Variants in RBM46 observed in about 807,000 individuals in gnomAD.
RBM46 encodes the protein probable RNA-binding protein 46.
RBM46 carries 12 observed loss-of-function variants against 43.3 expected under a neutral mutation model. That is an observed-to-expected ratio of 0.28 (90% CI 0.18 to 0.45). The LOEUF is 0.45. RBM46 is among the 20% of genes least tolerant of loss of function. The probability of loss-of-function intolerance (pLI) is 1.00; values close to 1 mark genes in which losing one functional copy is unlikely to be tolerated. For missense variants in RBM46, 412 were observed against 639.1 expected (o/e 0.64, Z 3.83); for synonymous variants, 205 against 207.6 (o/e 0.99, Z 0.11).
chr4:154,817,490 C>T (rs1485675787), intron 4 of RBM46, among the ~76,000 whole-genome samples: 2 of 151,580 alleles, frequency 1.3e-5, no homozygotes, highest in African/African-American at 4.8e-5. Context: ...GCACACCACA[C>T]CCAGCTGATT....
chr4:154,790,067 CTTT>C (rs2111102888), intron 1 of RBM46, among the ~76,000 whole-genome samples: 1 of 152,192 alleles, frequency 6.6e-6, no homozygotes, highest in South Asian at 2.1e-4. Flanking sequence ...CTCTTTTCTT[CTTT>C]ATTAGTCTTG....
chr4:154,813,275 A>C (rs1302189823), intron 4 of RBM46, among the ~76,000 whole-genome samples: 1 of 152,208 alleles, frequency 6.6e-6, no homozygotes, highest in South Asian at 2.1e-4. Flanking sequence ...TAATGGGCTG[A>C]AATATCTGTG....
intron 4 of RBM46, chr4:154,820,289 G>A: frequency 1.1e-6 from 1 of 911,376 alleles, no homozygotes; most frequent in Non-Finnish European, 1.6e-6. Flanking sequence ...AGTTACCAAG[G>A]ATTCCATGCA....
intron 1 of RBM46, among the ~76,000 whole-genome samples, chr4:154,786,702 G>A (rs1733787930): frequency 6.6e-6 from 1 of 152,012 alleles, no homozygotes; most frequent in Non-Finnish European, 1.5e-5. Context: ...GCTGAGGCGG[G>A]TGGATCACGA....
intron 4 of RBM46, among the ~76,000 whole-genome samples, chr4:154,815,939 C>T (rs1301227264): frequency 6.6e-6 from 1 of 152,016 alleles, no homozygotes; most frequent in Non-Finnish European, 1.5e-5. Flanking sequence ...GTCCGCCCCG[C>T]TCATATGAAT....
At chr4:154,805,399 T>C (rs927723003) in intron 4 of RBM46, among the ~76,000 whole-genome samples, 3 of 152,174 alleles carry the variant, frequency 2.0e-5, no homozygotes, top group Non-Finnish European at 4.4e-5. Flanking sequence ...CATTTTGTAA[T>C]GGACTTGTAT....
intron 4 of RBM46, among the ~76,000 whole-genome samples, chr4:154,817,393 C>T (rs1163251768): frequency 1.4e-5 from 2 of 145,250 alleles, no homozygotes. Context: ...AGTGCAGTGG[C>T]GTGATCTCGG....
At chr4:154,819,168 A>G (rs767852331) in intron 4 of RBM46, among the ~76,000 whole-genome samples, 1 of 152,216 alleles carries the variant, frequency 6.6e-6, no homozygotes, top group Non-Finnish European at 1.5e-5. Context: ...TGTTATATTT[A>G]TTCATAGAAG....
intron 4 of RBM46, among the ~76,000 whole-genome samples, chr4:154,806,812 A>G (rs1734929333): frequency 6.6e-6 from 1 of 151,894 alleles, no homozygotes; most frequent in African/African-American, 2.4e-5. Flanking sequence ...AAAAGTTTGG[A>G]AACTAAATTT....
rs767661479 is a variant in RBM46, at chr4:154,798,274, T to G, written c.615T>G (p.Ile205Met). The G allele has an allele frequency of 6.4e-7, 1 of 1,565,562 alleles. No individual in the cohort carries two copies. Among genetic ancestry groups the G allele is most frequent in the Non-Finnish European group, 8.6e-7 (1 of 1,159,668 alleles). ...RAAAMARRKL[I>M]PGTFQLWGHT... Reference sequence around the variant, plus strand: ...CTGCTATGGCAAGGAGGAAACTAATTCCAGGTAAACTGAAAGGTTGTTTTT... The same window carrying G: ...CTGCTATGGCAAGGAGGAAACTAATGCCAGGTAAACTGAAAGGTTGTTTTT... The change falls in exon 3 of 5, where the codon ATT (isoleucine) becomes ATG (methionine). Residue 205 changes from isoleucine (I) to methionine (M), a missense_variant. By Grantham distance (10) the Ile-to-Met change is conservative. Around this residue, in one of 8 missense-constraint regions of RBM46, gnomAD observed 54 missense variants for 102.5 expected, o/e 0.53. Coordinates refer to ENST00000281722, the MANE Select transcript of RBM46 (RefSeq NM_144979.5).
rs544491334 is a variant in RBM46 at position 154,797,830 on chromosome 4, A to G, written c.171A>G (p.Pro57=). Residue 57 remains proline, a synonymous_variant, in exon 3 of 5, where the codon CCA becomes CCG. Coordinates refer to ENST00000281722, the MANE Select transcript of RBM46 (RefSeq NM_144979.5). Reference sequence around the variant, plus strand: ...GTTCAGGTTGGGAAGGTCCACCTCCACCTAGAGGCTGTGAAGTTTTTGTAG... The same window carrying G: ...GTTCAGGTTGGGAAGGTCCACCTCCGCCTAGAGGCTGTGAAGTTTTTGTAG... ...GPPPGWEGPP[P]PRGCEVFVGK... 15 of 1,542,968 alleles carry G rather than the reference A, an allele frequency of 9.7e-6. No individual in the cohort carries two copies. The highest frequency in any genetic ancestry group is 5.2e-5 in the South Asian group (4 of 77,064).
At chr4:154,824,931 T>A (rs984794001) in intron 4 of RBM46, among the ~76,000 whole-genome samples, 7 of 152,090 alleles carry the variant, frequency 4.6e-5, no homozygotes, top group South Asian at 4.1e-4. Flanking sequence ...GGGGATATGT[T>A]TTATATCTTG....
At position 154,786,965 on chromosome 4, in the gene RBM46, A is replaced by G. The variant is rs181879502; in HGVS notation, c.-12+5529A>G. Among the ~76,000 whole-genome samples, 49 of 152,322 alleles carry G rather than the reference A, an allele frequency of 3.2e-4. No individual in the cohort carries two copies. The East Asian group carries it at 5.8e-3, about 18-fold the overall frequency. ...AATAACTGTGTGAGGTTAGTAAATT[A>G]TAAGAACCTAAAAGCAATATAAATG... On this transcript the variant is annotated intron_variant, in intron 1 of 4. Coordinates refer to ENST00000281722, the MANE Select transcript of RBM46 (RefSeq NM_144979.5).
At chr4:154,808,172 T>G (rs968960341) in intron 4 of RBM46, among the ~76,000 whole-genome samples, 1 of 152,042 alleles carries the variant, frequency 6.6e-6, no homozygotes. Flanking sequence ...TTACTATTCT[T>G]GTGTGTTTAA....
intron 1 of RBM46, among the ~76,000 whole-genome samples, chr4:154,783,805 C>T (rs1733624699): frequency 6.6e-6 from 1 of 152,110 alleles, no homozygotes; most frequent in Admixed American, 6.5e-5. Flanking sequence ...ATAAAATGTG[C>T]TCTCATTCTT....
At chr4:154,794,177 CTTTTTTTT>C (rs58437982) in intron 1 of RBM46, among the ~76,000 whole-genome samples, 3 of 115,760 alleles carry the variant, frequency 2.6e-5, no homozygotes, top group Non-Finnish European at 5.0e-5. Context: ...GTAGTAATCA[CTTTTTTTT>C]TTTTTTTTTT....
intron 4 of RBM46, among the ~76,000 whole-genome samples, chr4:154,816,280 T>G (rs1735438958): frequency 6.6e-6 from 1 of 152,124 alleles, no homozygotes; most frequent in Non-Finnish European, 1.5e-5. Flanking sequence ...ACCAAAATCC[T>G]AATGGGATTT....
At chr4:154,796,469 C>A (rs1560895784) in intron 1 of RBM46, among the ~76,000 whole-genome samples, 1 of 152,082 alleles carries the variant, frequency 6.6e-6, no homozygotes, top group East Asian at 1.9e-4. Flanking sequence ...TTTGTTTTTT[C>A]ATTCTTTGTT....
At chr4:154,800,337 G>A (rs1218252983) in intron 4 of RBM46, among the ~76,000 whole-genome samples, 1 of 152,154 alleles carries the variant, frequency 6.6e-6, no homozygotes, top group East Asian at 1.9e-4. Context: ...GTCGTGTGTA[G>A]ACACAGCTTT....
Sources: gnomAD v4.1 joint callset for allele counts (sites outside exome capture counted in the v4.1 genomes callset) on GRCh38, gnomAD v4.1.1 for gene constraint, gnomAD v4.1.1 regional missense constraint, MANE v1.5 for transcripts, NCBI Gene and HGNC (gene_info 2026-07-23, HGNC 2026-07-21) for gene names.